The following ROBO2 variants were observed in gnomAD, a reference collection of about 807,000 sequenced individuals.
ROBO2 encodes roundabout guidance receptor 2.
Under a neutral mutation model 160.8 loss-of-function variants are expected in ROBO2, and 53 were observed. The observed-to-expected ratio is 0.33, with a 90% confidence interval of 0.26 to 0.41. The LOEUF (loss-of-function observed/expected upper bound fraction) is 0.41. Ranked by LOEUF, ROBO2 falls within the 10% of genes least tolerant of loss-of-function variation. The pLI, the probability that ROBO2 is intolerant of heterozygous loss-of-function variation, is 1.00. For synonymous variants in ROBO2, 664 were observed against 611.7 expected (o/e 1.09, Z -1.26); for missense variants, 1,577 against 1,722.4 (o/e 0.92, Z 1.49).
intron 2 of ROBO2, among the ~76,000 whole-genome samples, chr3:76,537,941 C>G (rs1425130539): frequency 6.6e-6 from 1 of 151,896 alleles, no homozygotes; most frequent in Non-Finnish European, 1.5e-5. Context: ...GTCCCAGGGT[C>G]AACTGATCAG....
intron 2 of ROBO2, among the ~76,000 whole-genome samples, chr3:76,178,793 T>C (rs1307349820): frequency 6.6e-6 from 1 of 151,850 alleles, no homozygotes; most frequent in African/African-American, 2.4e-5. Flanking sequence ...AGTACAAAAT[T>C]AGCTGGGCAT....
intron 2 of ROBO2, among the ~76,000 whole-genome samples, chr3:76,099,759 A>G (rs895463290): frequency 1.3e-5 from 2 of 152,156 alleles, no homozygotes; most frequent in Non-Finnish European, 2.9e-5. Flanking sequence ...TGGCTTACCA[A>G]AAACGTAAGA....
chr3:76,963,868 A>T (rs1421411230), intron 2 of ROBO2, among the ~76,000 whole-genome samples: 1 of 151,326 alleles, frequency 6.6e-6, no homozygotes, highest in Non-Finnish European at 1.5e-5. Context: ...AGAAAAAAGA[A>T]ATAAAAAGAA....
At chr3:76,700,630 AT>A (rs1477394008) in intron 2 of ROBO2, among the ~76,000 whole-genome samples, 1 of 152,112 alleles carries the variant, frequency 6.6e-6, no homozygotes, top group African/African-American at 2.4e-5. Flanking sequence ...TAATATCCAC[AT>A]TGGAAACTGC....
intron 2 of ROBO2, among the ~76,000 whole-genome samples, chr3:76,068,550 C>T (rs1207052167): frequency 6.6e-6 from 1 of 152,122 alleles, no homozygotes; most frequent in East Asian, 1.9e-4. Context: ...ACCAACTTTT[C>T]CCTTTCTTCT....
chr3:76,167,189 C>CT (rs2106962350), intron 2 of ROBO2, among the ~76,000 whole-genome samples: 1 of 152,242 alleles, frequency 6.6e-6, no homozygotes, highest in South Asian at 2.1e-4. Context: ...GATCCACCTG[C>CT]CTCAGCCATC....
chr3:76,175,085 T>G (rs776604311), intron 2 of ROBO2, among the ~76,000 whole-genome samples: 6 of 152,086 alleles, frequency 3.9e-5, no homozygotes, highest in Non-Finnish European at 8.8e-5. Context: ...TCATGTCCCT[T>G]GTAAGTTTTA....
intron 2 of ROBO2, among the ~76,000 whole-genome samples, chr3:76,451,748 A>C (rs17014204): frequency 0.046 from 6,997 of 152,268 alleles, 489 homozygotes; most frequent in African/African-American, 0.15. Context: ...AACTCAAAAT[A>C]CTAATGTCGG....
At chr3:76,163,447 G>A (rs1185223334) in intron 2 of ROBO2, among the ~76,000 whole-genome samples, 2 of 149,928 alleles carry the variant, frequency 1.3e-5, no homozygotes, top group Non-Finnish European at 3.0e-5. Flanking sequence ...ATTTTATATG[G>A]ATATTTGCAT....
chr3:76,329,367 A>G (rs1299752296), intron 2 of ROBO2, among the ~76,000 whole-genome samples: 1 of 152,034 alleles, frequency 6.6e-6, no homozygotes, highest in Non-Finnish European at 1.5e-5. Context: ...GCAGGTGTGG[A>G]CCACCACACC....
chr3:76,854,041 T>TCC (rs1559605280), intron 2 of ROBO2, among the ~76,000 whole-genome samples: 1 of 88,782 alleles, frequency 1.1e-5, no homozygotes, highest in African/African-American at 4.0e-5. Flanking sequence ...TCTCTCTCTC[T>TCC]CTCTCTCTCT....
intron 2 of ROBO2, among the ~76,000 whole-genome samples, chr3:76,356,541 T>C (rs2075177089): frequency 6.6e-6 from 1 of 151,598 alleles, no homozygotes; most frequent in Admixed American, 6.6e-5. Context: ...GAATATCTAT[T>C]ACCAGATTGA....
chr3:76,080,594 T>G (rs1017472400), intron 2 of ROBO2, among the ~76,000 whole-genome samples: 1 of 151,818 alleles, frequency 6.6e-6, no homozygotes, highest in African/African-American at 2.4e-5. Flanking sequence ...TTACAAAGAA[T>G]TTTTTGATCA....
intron 2 of ROBO2, among the ~76,000 whole-genome samples, chr3:77,245,167 C>A (rs564776163): frequency 6.6e-6 from 1 of 152,132 alleles, no homozygotes; most frequent in South Asian, 2.1e-4. Context: ...TTTAATAAGG[C>A]GCCTGTCATA....
intron 2 of ROBO2, among the ~76,000 whole-genome samples, chr3:76,021,573 A>T (rs2066575477): frequency 6.6e-6 from 1 of 151,840 alleles, no homozygotes; most frequent in Non-Finnish European, 1.5e-5. Flanking sequence ...GCAATAAAGC[A>T]AACATTGCAA....
At chr3:76,612,940 T>G (rs2088252707) in intron 2 of ROBO2, among the ~76,000 whole-genome samples, 2 of 152,170 alleles carry the variant, frequency 1.3e-5, no homozygotes, top group Non-Finnish European at 2.9e-5. Context: ...TACCTTTTGC[T>G]ATCCTTTTAT....
chr3:76,987,953 A>G (rs1332159271), intron 2 of ROBO2, among the ~76,000 whole-genome samples: 6 of 152,332 alleles, frequency 3.9e-5, no homozygotes, highest in Admixed American at 2.6e-4. Context: ...AAAATAATCT[A>G]TAAAGATCAT....
intron 4 of ROBO2, among the ~76,000 whole-genome samples, chr3:77,484,564 G>A (rs978493368): frequency 2.7e-5 from 4 of 148,678 alleles, no homozygotes; most frequent in South Asian, 2.1e-4. Flanking sequence ...ATCATTTTAC[G>A]TTCTGTTTTA....
chr3:76,219,941 T>C (rs1294297273), intron 2 of ROBO2, among the ~76,000 whole-genome samples: 2 of 151,748 alleles, frequency 1.3e-5, no homozygotes, highest in Non-Finnish European at 2.9e-5. Context: ...TGTCCAACAA[T>C]GATAGACTGG....
Sources: gnomAD v4.1 joint callset for allele counts (sites outside exome capture counted in the v4.1 genomes callset) on GRCh38, gnomAD v4.1.1 for gene constraint, MANE v1.5 for transcripts, NCBI Gene and HGNC (gene_info 2026-07-23, HGNC 2026-07-21) for gene names.